Variants in NOL4L observed in about 807,000 individuals in gnomAD.
The protein encoded by NOL4L is nucleolar protein 4 like, also known as nucleolar protein 4-like.
A neutral mutation model predicts 64.5 loss-of-function variants in NOL4L; 7 were observed. The ratio of observed to expected loss-of-function variants is 0.11; its 90% CI spans 0.06 to 0.20. NOL4L has a LOEUF of 0.20. Ranked by LOEUF, NOL4L falls within the 10% of genes least tolerant of loss-of-function variation. NOL4L has a pLI of 1.00. For synonymous variants in NOL4L, 413 were observed against 401.0 expected, an observed-to-expected ratio of 1.03 and a Z score of -0.36; for missense variants, 680 against 967.1, an observed-to-expected ratio of 0.70 and a Z score of 3.94.
At chr20:32,514,318 C>T (rs1238356644) in intron 3 of NOL4L, among the ~76,000 whole-genome samples, 2 of 151,946 alleles carry the variant, frequency 1.3e-5, no homozygotes, top group African/African-American at 2.4e-5. Context: ...CATGACAAAC[C>T]CCCACTCTCC....
intron 4 of NOL4L, among the ~76,000 whole-genome samples, chr20:32,493,283 G>A (rs71348777): frequency 6.6e-6 from 1 of 152,136 alleles, no homozygotes; most frequent in African/African-American, 2.4e-5. Context: ...AAGAGAAAGA[G>A]GCAGGCAGCA....
intron 4 of NOL4L, among the ~76,000 whole-genome samples, chr20:32,483,799 G>A (rs1251949833): frequency 7.2e-6 from 1 of 138,622 alleles, no homozygotes; most frequent in Non-Finnish European, 1.6e-5. Context: ...CCAGGGAGAG[G>A]GGAGAGGAGA....
At position 32,458,221 on chromosome 20, in the gene NOL4L, T is replaced by C. The variant is rs2013735295; in HGVS notation, c.842-1826A>G. Among the ~76,000 whole-genome samples the C allele has an allele frequency of 2.0e-5, 3 of 152,164 alleles. No individual in the cohort carries two copies. In the South Asian group the frequency reaches 6.2e-4, roughly 32 times the overall value. On this transcript the variant is annotated intron_variant, in intron 5 of 10. Transcript: ENST00000621426. ...GGCCCACAGCCACTGGCACTCTCAG[T>C]CCTGTGACCTCTGCAGTCCCCCAGC...
Position 32,453,241 on chromosome 20 carries a change from G to T in NOL4L, c.1497+63C>A, listed in dbSNP as rs1201668269. 14 of 1,566,366 alleles carry T rather than the reference G, an allele frequency of 8.9e-6. No homozygotes were observed. In the African/African-American group the frequency reaches 1.8e-4, roughly 20 times the overall value. ...GGGTGAAGGGGCCCGGGCATCCTGGGAGTGTGGCAGGAGGTCAGTAGTGGC... is the reference window on the plus strand; with the variant it reads ...GGGTGAAGGGGCCCGGGCATCCTGGTAGTGTGGCAGGAGGTCAGTAGTGGC... On this transcript the variant is annotated intron_variant, in intron 8 of 10. Transcript: ENST00000621426. This position sits in a 1 kb window ranked among gnomAD's most constrained non-coding sequence, Gnocchi z 5.6.
At chr20:32,562,287 A>G (rs1388202343) in intron 1 of NOL4L, among the ~76,000 whole-genome samples, 2 of 152,092 alleles carry the variant, frequency 1.3e-5, no homozygotes, top group African/African-American at 2.4e-5. Flanking sequence ...TCACTGTCTC[A>G]GCCACTATCT....
Position 32,444,088 on chromosome 20 carries a change from A to T in NOL4L, c.*3508T>A, listed in dbSNP as rs1200050321. 6.6e-6 allele frequency: 1 copy of T among 152,230 alleles called. No individual in the cohort carries two copies. The highest frequency in any genetic ancestry group is 2.4e-5 in the African/African-American group (1 of 41,456). The allele number at this position is 152,230 out of a possible 1,614,324, so 9.4% of individuals were successfully genotyped here. ...AGGTGCATCTTCCTCCTCAAGAGCA[A>T]GTCTTGCAGAACACACAGGGACTGG... On this transcript the variant is annotated 3_prime_UTR_variant, in exon 11 of 11. Transcript: ENST00000621426.
chr20:32,513,551 G>A (rs907746489), intron 3 of NOL4L, among the ~76,000 whole-genome samples: 4 of 152,158 alleles, frequency 2.6e-5, no homozygotes, highest in African/African-American at 9.7e-5. Flanking sequence ...TCAACAGTGT[G>A]AATATAATAT....
At chr20:32,491,644 G>A (rs2145519598) in intron 4 of NOL4L, among the ~76,000 whole-genome samples, 1 of 152,232 alleles carries the variant, frequency 6.6e-6, no homozygotes, top group Middle Eastern at 3.4e-3. Context: ...AATGAAGCGG[G>A]CCATCCTGGA....
At chr20:32,536,897 T>G (rs1215711504) in intron 1 of NOL4L, among the ~76,000 whole-genome samples, 1 of 145,854 alleles carries the variant, frequency 6.9e-6, no homozygotes, top group Non-Finnish European at 1.5e-5. Context: ...CCAGGGCGGC[T>G]GGCCTCCCCC....
intron 4 of NOL4L, among the ~76,000 whole-genome samples, chr20:32,498,171 G>T (rs2016773279): frequency 6.6e-6 from 1 of 152,294 alleles, no homozygotes; most frequent in African/African-American, 2.4e-5. Flanking sequence ...TCCAGACAGG[G>T]TGGTGGCTGT....
intron 1 of NOL4L, chr20:32,536,388 C>T (rs1461661599): frequency 2.3e-6 from 2 of 871,088 alleles, no homozygotes; most frequent in Non-Finnish European, 2.7e-6. Context: ...AGAGGTGGGG[C>T]TGGAGGGGGA....
At chr20:32,455,677 G>A (rs1568599896) in intron 6 of NOL4L, among the ~76,000 whole-genome samples, 3 of 152,156 alleles carry the variant, frequency 2.0e-5, no homozygotes, top group Admixed American at 6.5e-5. Flanking sequence ...GAGTTCCACT[G>A]CCCACATCCC....
intron 1 of NOL4L, among the ~76,000 whole-genome samples, chr20:32,558,893 C>A (rs568499259): frequency 3.9e-5 from 6 of 152,344 alleles, no homozygotes; most frequent in African/African-American, 1.4e-4. Flanking sequence ...AGAGCCACTG[C>A]AGCCTGGACC....
At chr20:32,580,431 A>G (rs1296456295) in intron 1 of NOL4L, among the ~76,000 whole-genome samples, 3 of 152,244 alleles carry the variant, frequency 2.0e-5, no homozygotes, top group Admixed American at 2.0e-4. Flanking sequence ...CAGCGGCCGC[A>G]GGTGCCAAAG....
At chr20:32,504,046 TTA>T (rs2017031949) in intron 4 of NOL4L, among the ~76,000 whole-genome samples, 1 of 152,178 alleles carries the variant, frequency 6.6e-6, no homozygotes, top group South Asian at 2.1e-4. Flanking sequence ...GTTGTTTGTA[TTA>T]TGTTACTTTA....
intron 1 of NOL4L, among the ~76,000 whole-genome samples, chr20:32,537,727 C>T (rs2018572447): frequency 6.6e-6 from 1 of 152,088 alleles, no homozygotes. Flanking sequence ...CTAGCCATAC[C>T]TGAGAAATCG....
At chr20:32,510,643 A>G (rs1300779487) in intron 4 of NOL4L, 4 of 154,724 alleles carry the variant, frequency 2.6e-5, no homozygotes, top group Non-Finnish European at 5.7e-5. Flanking sequence ...GGATGCCATA[A>G]GAGATGAGAA....
chr20:32,475,154 C>A, intron 4 of NOL4L: 1 of 985,438 alleles, frequency 1.0e-6, no homozygotes, highest in Non-Finnish European at 1.2e-6. Flanking sequence ...GCAGCACATG[C>A]CCGCCACCAG....
chr20:32,481,080 A>C (rs6058714), intron 4 of NOL4L, among the ~76,000 whole-genome samples: 53,271 of 152,064 alleles, frequency 0.35, 10,480 homozygotes, highest in East Asian at 0.81. Context: ...TCACACGCAC[A>C]CTGTGTCTGT....
Sources: allele counts gnomAD v4.1 joint callset (sites outside exome capture counted in the v4.1 genomes callset), GRCh38; gene constraint gnomAD v4.1.1; non-coding constraint Gnocchi (gnomAD v3.1); transcripts MANE v1.5; gene names NCBI Gene and HGNC (gene_info 2026-07-23, HGNC 2026-07-21).